SETD1B: variants seen among roughly 807,000 people sequenced by gnomAD.
SETD1B encodes SET domain containing 1B, histone lysine methyltransferase.
Under a neutral mutation model 148.0 loss-of-function variants are expected in SETD1B, and 7 were observed. The ratio of observed to expected loss-of-function variants is 0.05; its 90% CI spans 0.03 to 0.09. The LOEUF (loss-of-function observed/expected upper bound fraction) is 0.09. SETD1B is among the 10% of genes least tolerant of loss of function. The probability of loss-of-function intolerance (pLI) is 1.00; values close to 1 mark genes in which losing one functional copy is unlikely to be tolerated. For synonymous variants in SETD1B, 1,361 were observed against 1,186.5 expected (o/e 1.15, Z -3.02); for missense variants, 2,155 against 2,729.9 (o/e 0.79, Z 4.69).
chr12:121,791,906 T>G, the SETD1B span, among the ~76,000 whole-genome samples: 1 of 152,186 alleles, frequency 6.6e-6, no homozygotes, highest in Admixed American at 6.5e-5. Flanking sequence ...ACAGGAAACA[T>G]GAGAGTAAAG....
the SETD1B span, chr12:121,793,591 G>A: frequency 6.4e-7 from 1 of 1,552,324 alleles, no homozygotes; most frequent in Non-Finnish European, 8.7e-7. Flanking sequence ...TTCCTGCCCG[G>A]ACCGGGGGCG....
chr12:121,792,248 G>A, the SETD1B span, among the ~76,000 whole-genome samples: 2 of 152,206 alleles, frequency 1.3e-5, no homozygotes, highest in Non-Finnish European at 2.9e-5. Context: ...GAGGGCCACC[G>A]GATGACGTGG....
chr12:121,806,163 C>T, intron 4 of SETD1B, 58 bp downstream of exon 4: 3 of 1,521,054 alleles, frequency 2.0e-6, no homozygotes, highest in Middle Eastern at 1.9e-4. Flanking sequence ...TTTCCCTCCC[C>T]ACCCTTCCTG....
upstream of SETD1B, chr12:121,801,060 CAGCTCCG>C (rs1356648902): frequency 6.6e-6 from 1 of 152,026 alleles, no homozygotes. Context: ...GGGAGGACAG[CAGCTCCG>C]GGCTGCGGGC....
intron 11 of SETD1B, among the ~76,000 whole-genome samples, chr12:121,821,057 G>A (rs546653507): frequency 1.6e-4 from 25 of 152,232 alleles, no homozygotes; most frequent in Admixed American, 9.2e-4. Flanking sequence ...ACCAGGGAGT[G>A]TTAGAACCAA....
chr12:121,812,230 T>G (rs1156378547), intron 6 of SETD1B, among the ~76,000 whole-genome samples: 5 of 151,610 alleles, frequency 3.3e-5, no homozygotes, highest in Admixed American at 3.3e-4. Flanking sequence ...CCATCCTAGG[T>G]GGGGGAGCGG....
chr12:121,815,504 CT>C lies in SETD1B; in HGVS notation c.2715+580del, dbSNP rs546687555. On this transcript the variant is annotated intron_variant, in intron 7 of 16. Coordinates refer to ENST00000604567, the MANE Select transcript of SETD1B (RefSeq NM_001353345.2). ...TTACACGGAGCCCTGTCTTGGACCA[CT>C]TTTTTCCTTTTTTTGTTTTTTTGAG... Among the ~76,000 whole-genome samples, 185 of 151,964 alleles carry C rather than the reference CT, an allele frequency of 1.2e-3. 1 individual carries two copies. Among genetic ancestry groups the C allele is most frequent in the Non-Finnish European group, 2.4e-3 (162 of 67,956 alleles).
At chr12:121,827,446 A>G (rs886466790) in intron 13 of SETD1B, 73 bp from the exon 14 acceptor site, 2 of 1,450,660 alleles carry the variant, frequency 1.4e-6, no homozygotes, top group African/African-American at 1.4e-5. Context: ...GGGATGACAG[A>G]GATCCAGAGC....
intron 6 of SETD1B, among the ~76,000 whole-genome samples, chr12:121,812,267 G>T (rs964742845): frequency 2.6e-5 from 4 of 152,168 alleles, no homozygotes; most frequent in African/African-American, 9.6e-5. Flanking sequence ...CGAGGGTGCA[G>T]GGGGGGCTTT....
intron 7 of SETD1B, among the ~76,000 whole-genome samples, chr12:121,815,170 T>TA (rs1320473528): frequency 6.6e-6 from 1 of 152,206 alleles, no homozygotes; most frequent in East Asian, 1.9e-4. Context: ...CGTACACCTT[T>TA]AATCCCAGCA....
rs763251896 is a variant in SETD1B, at chr12:121,822,533, C to CTTGCCGCTGCAACCACCA, written c.3962_3979dup (p.Leu1321_Pro1326dup). On this transcript the variant is annotated inframe_insertion, in exon 12 of 17. Transcript: ENST00000604567. ...AGCCGGAGCCCCCTATGATGCTCCC[C>CTTGCCGCTGCAACCACCA]TTGCCGCTGCAACCACCATTGCCGC... is the stretch of plus-strand genomic sequence containing the variant. The CTTGCCGCTGCAACCACCA allele has an allele frequency of 1.3e-6, 2 of 1,550,776 alleles. No homozygotes were observed. Among genetic ancestry groups the CTTGCCGCTGCAACCACCA allele is most frequent in the African/African-American group, 2.7e-5 (2 of 73,106 alleles).
Position 121,827,656 on chromosome 12 carries a change from G to T in SETD1B, c.5469+6G>T, listed in dbSNP as rs1419073596. ...TCAAGTTCAACCAGCTCAAGGTGAG[G>T]CCGGGCTTCACCCAGATCGCCGGGG... On this transcript the variant is annotated splice_donor_region_variant and intron_variant, in intron 14 of 16. Coordinates refer to ENST00000604567, the MANE Select transcript of SETD1B (RefSeq NM_001353345.2). 2 of 1,551,464 alleles carry T rather than the reference G, an allele frequency of 1.3e-6. No homozygotes were observed. Among genetic ancestry groups the T allele is most frequent in the Non-Finnish European group, 1.7e-6 (2 of 1,146,896 alleles).
chr12:121,806,215 C>T (rs1875733238), intron 4 of SETD1B, 110 bp downstream of exon 4: 7 of 1,210,886 alleles, frequency 5.8e-6, no homozygotes, highest in Non-Finnish European at 8.0e-6. Context: ...TTGGGATCCC[C>T]CCCCACAACC....
At chr12:121,800,535 G>C (rs1490963711), upstream of SETD1B, 6 of 151,868 alleles carry the variant, frequency 4.0e-5, no homozygotes, top group Non-Finnish European at 8.8e-5. Flanking sequence ...CCGACCCCGT[G>C]GCCCTCGGCT....
chr12:121,808,848 T>C lies in SETD1B; in HGVS notation c.657+528T>C, dbSNP rs1393239021. Among the ~76,000 whole-genome samples the C allele has an allele frequency of 6.6e-6, 1 of 152,214 alleles. No homozygotes were observed. The highest frequency in any genetic ancestry group is 1.5e-5 in the Non-Finnish European group (1 of 68,042). On this transcript the variant is annotated intron_variant, in intron 5 of 16. Coordinates refer to ENST00000604567, the MANE Select transcript of SETD1B (RefSeq NM_001353345.2). This position sits in a 1 kb window ranked among gnomAD's most constrained non-coding sequence, Gnocchi z 5.3. ...TGGCATCAGGCTGACTAGCTGCCAC[T>C]GGCCTGTTCATCACTTTTTTTTTGT...
At chr12:121,826,152 C>A (rs1876829665) in intron 13 of SETD1B, among the ~76,000 whole-genome samples, 1 of 152,140 alleles carries the variant, frequency 6.6e-6, no homozygotes, top group African/African-American at 2.4e-5. Context: ...CTCAAGCGAT[C>A]CTCCCGTCTC....
rs1875867974 is a variant in SETD1B, at chr12:121,808,782, G to A, written c.657+462G>A. Among the ~76,000 whole-genome samples the A allele has an allele frequency of 6.6e-6, 1 of 152,218 alleles. No homozygotes were observed. The highest frequency in any genetic ancestry group is 1.5e-5 in the Non-Finnish European group (1 of 68,042). On this transcript the variant is annotated intron_variant, in intron 5 of 16. Transcript: ENST00000604567. The surrounding 1 kb of genome is among the most constrained non-coding windows in gnomAD (Gnocchi z 5.3). ...AAACCACTGCCTTCCAGGACACAGGGACAACTCTCGCGTGGGGCGAGTCTC... is the reference window on the plus strand; with the variant it reads ...AAACCACTGCCTTCCAGGACACAGGAACAACTCTCGCGTGGGGCGAGTCTC...
At position 121,819,763 on chromosome 12, in the gene SETD1B, G is replaced by A; in HGVS notation, c.3778G>A (p.Glu1260Lys). Reference protein sequence around the residue: ...LDEPPLPVGVEEPADSREPPE... With the variant: ...LDEPPLPVGVKEPADSREPPE... ...CGAGCCCCCCTTGCCTGTGGGTGTT[G>A]AAGAGCCAGCGGACTCCAGGGAGCC... Residue 1260 changes from glutamate (E) to lysine (K), a missense_variant, in exon 11 of 17, where the codon GAA (glutamate) becomes AAA (lysine). By Grantham distance (56) the Glu-to-Lys change is moderately conservative. Transcript: ENST00000604567. The A allele has an allele frequency of 6.4e-7, 1 of 1,551,560 alleles. No individual in the cohort carries two copies. The highest frequency in any genetic ancestry group is 8.7e-7 in the Non-Finnish European group (1 of 1,146,982).
intron 10 of SETD1B, among the ~76,000 whole-genome samples, chr12:121,819,076 C>G (rs1236936864): frequency 6.6e-6 from 1 of 151,858 alleles, no homozygotes; most frequent in Non-Finnish European, 1.5e-5. Context: ...GAAACCCTGT[C>G]TCTACTAAAA....
Sources: allele counts gnomAD v4.1 joint callset (sites outside exome capture counted in the v4.1 genomes callset), GRCh38; gene constraint gnomAD v4.1.1; non-coding constraint Gnocchi (gnomAD v3.1); transcripts MANE v1.5; gene names NCBI Gene and HGNC (gene_info 2026-07-23, HGNC 2026-07-21).